Variants in ARHGEF3 observed in about 807,000 individuals in gnomAD.
ARHGEF3 encodes the protein 59.8 kDA protein.
ARHGEF3 carries 28 observed loss-of-function variants against 63.2 expected under a neutral mutation model. The observed-to-expected ratio is 0.44, with a 90% confidence interval of 0.33 to 0.61. ARHGEF3 has a LOEUF of 0.61. Ranked by LOEUF, ARHGEF3 falls within the 20% of genes least tolerant of loss-of-function variation. The pLI, the probability that ARHGEF3 is intolerant of heterozygous loss-of-function variation, is 0.03. For synonymous variants in ARHGEF3, 266 were observed against 254.2 expected, an observed-to-expected ratio of 1.05 and a Z score of -0.44; for missense variants, 533 against 659.3, an observed-to-expected ratio of 0.81 and a Z score of 2.10.
chr3:56,965,070 T>G (rs545568146), intron 2 of ARHGEF3, among the ~76,000 whole-genome samples: 6 of 152,076 alleles, frequency 3.9e-5, no homozygotes, highest in Admixed American at 1.3e-4. Context: ...TTGGGCAACA[T>G]AGCAAAACCA....
intron 1 of ARHGEF3, among the ~76,000 whole-genome samples, chr3:57,075,685 C>A (rs1706184887): frequency 6.6e-6 from 1 of 151,996 alleles, no homozygotes; most frequent in Non-Finnish European, 1.5e-5. Flanking sequence ...TGGTGCATGC[C>A]CATAGTCCCA....
At chr3:56,896,358 T>C (rs1029328995) in intron 3 of ARHGEF3, among the ~76,000 whole-genome samples, 6 of 152,216 alleles carry the variant, frequency 3.9e-5, no homozygotes, top group Non-Finnish European at 8.8e-5. Context: ...ATTATGTCCC[T>C]TTAGACCCTA....
At chr3:56,840,764 T>C (rs1039666139) in intron 4 of ARHGEF3, among the ~76,000 whole-genome samples, 2 of 152,182 alleles carry the variant, frequency 1.3e-5, no homozygotes, top group Non-Finnish European at 2.9e-5. Flanking sequence ...TGCTAACATA[T>C]TATAACATTA....
intron 4 of ARHGEF3, among the ~76,000 whole-genome samples, chr3:56,851,560 G>T (rs957727506): frequency 6.6e-6 from 1 of 151,108 alleles, no homozygotes; most frequent in Non-Finnish European, 1.5e-5. Flanking sequence ...GCTAATTTTT[G>T]TATTTTATGT....
At chr3:57,025,842 G>A (rs995190912) in intron 2 of ARHGEF3, among the ~76,000 whole-genome samples, 1 of 152,148 alleles carries the variant, frequency 6.6e-6, no homozygotes, top group South Asian at 2.1e-4. Flanking sequence ...ACACAGCCTC[G>A]ATAGATACTC....
At chr3:57,043,927 A>G (rs562263430) in intron 1 of ARHGEF3, among the ~76,000 whole-genome samples, 5 of 152,372 alleles carry the variant, frequency 3.3e-5, no homozygotes, top group African/African-American at 9.6e-5. Flanking sequence ...GCCAAACACT[A>G]TGGAGGTTAT....
intron 4 of ARHGEF3, among the ~76,000 whole-genome samples, chr3:56,847,928 T>C (rs1242026384): frequency 6.6e-6 from 1 of 151,956 alleles, no homozygotes; most frequent in Non-Finnish European, 1.5e-5. Flanking sequence ...CAGTGTAGAG[T>C]GCAGTGCTAT....
rs1178494267 is a variant in ARHGEF3 at position 56,801,839 on chromosome 3, C to A, written c.-41G>T. ...TGCCCTTTGGGATGTCACCGCTGACCCTAGGCGACTACAAAACTCCCAGGC... is the reference window on the plus strand; with the variant it reads ...TGCCCTTTGGGATGTCACCGCTGACACTAGGCGACTACAAAACTCCCAGGC... On this transcript the variant is annotated 5_prime_UTR_variant, in exon 1 of 10. Coordinates refer to ENST00000296315, the MANE Select transcript of ARHGEF3 (RefSeq NM_019555.3). 1.9e-6 allele frequency: 3 copies of A among 1,552,034 alleles called. No individual in the cohort carries two copies. The highest frequency in any genetic ancestry group is 2.6e-6 in the Non-Finnish European group (3 of 1,147,128).
intron 2 of ARHGEF3, among the ~76,000 whole-genome samples, chr3:56,967,921 T>TTATATGTAA (rs1252891900): frequency 2.8e-5 from 2 of 70,498 alleles, no homozygotes; most frequent in African/African-American, 1.1e-4. Context: ...ATATAATATA[T>TTATATGTAA]TATATATAAT....
intron 3 of ARHGEF3, among the ~76,000 whole-genome samples, chr3:56,912,441 G>A (rs1469158770): frequency 1.3e-5 from 2 of 152,174 alleles, no homozygotes; most frequent in Admixed American, 6.5e-5. Context: ...AGCACCTAAT[G>A]GCTAAAAACA....
intron 1 of ARHGEF3, among the ~76,000 whole-genome samples, chr3:57,042,234 G>T (rs958302191): frequency 6.6e-6 from 1 of 151,978 alleles, no homozygotes; most frequent in Non-Finnish European, 1.5e-5. Flanking sequence ...ACTGTCCATC[G>T]ATAAGGCACT....
chr3:56,805,174 G>A (rs771985739), upstream of ARHGEF3, among the ~76,000 whole-genome samples: 8 of 152,154 alleles, frequency 5.3e-5, no homozygotes, highest in Non-Finnish European at 7.4e-5. Context: ...TATCCTTAGG[G>A]CCAAGCAGGG....
intron 1 of ARHGEF3, among the ~76,000 whole-genome samples, chr3:57,057,405 G>A (rs765269891): frequency 3.9e-5 from 6 of 152,088 alleles, no homozygotes; most frequent in Non-Finnish European, 7.4e-5. Context: ...CACCGCGCCC[G>A]TCCAGGTTTC....
chr3:56,766,697 G>A (rs890481898), intron 2 of ARHGEF3, among the ~76,000 whole-genome samples: 13 of 152,114 alleles, frequency 8.5e-5, no homozygotes, highest in Non-Finnish European at 1.5e-5. Context: ...GAGAAAAACT[G>A]TAGCAAAAGA....
intron 2 of ARHGEF3, among the ~76,000 whole-genome samples, chr3:56,989,110 T>C (rs988702779): frequency 1.3e-5 from 2 of 152,334 alleles, no homozygotes; most frequent in East Asian, 3.9e-4. Context: ...AAACTTCAGT[T>C]GATTACTTCG....
At chr3:56,968,229 TATA>T (rs1700722942) in intron 2 of ARHGEF3, among the ~76,000 whole-genome samples, 1 of 40,674 alleles carries the variant, frequency 2.5e-5, no homozygotes, top group African/African-American at 8.1e-5. Context: ...ATATAATATA[TATA>T]TAAATATATA....
At chr3:56,810,291 C>G (rs1490581253) in intron 4 of ARHGEF3, among the ~76,000 whole-genome samples, 1 of 152,174 alleles carries the variant, frequency 6.6e-6, no homozygotes, top group Non-Finnish European at 1.5e-5. Context: ...CCCCTGTCAT[C>G]TCAGCACTTT....
intron 4 of ARHGEF3, among the ~76,000 whole-genome samples, chr3:56,876,065 G>A (rs780448425): frequency 5.3e-5 from 8 of 152,148 alleles, no homozygotes; most frequent in Non-Finnish European, 7.4e-5. Context: ...GGTGAAATGC[G>A]GGGAGAAGAA....
chr3:57,029,692 A>G (rs1703652232), intron 2 of ARHGEF3, among the ~76,000 whole-genome samples: 1 of 152,174 alleles, frequency 6.6e-6, no homozygotes, highest in Admixed American at 6.5e-5. Context: ...TTTTCCTGCC[A>G]TACCTAATCA....
Sources: gnomAD v4.1 joint callset for allele counts (sites outside exome capture counted in the v4.1 genomes callset) on GRCh38, gnomAD v4.1.1 for gene constraint, MANE v1.5 for transcripts, NCBI Gene and HGNC (gene_info 2026-07-23, HGNC 2026-07-21) for gene names.